POM121C: variants seen among roughly 807,000 people sequenced by gnomAD.
POM121C encodes the protein nuclear envelope pore membrane protein POM 121C.
In POM121C, 20 loss-of-function variants were observed where a neutral mutation model predicts 66.4. The observed-to-expected ratio is 0.30, with a 90% CI of 0.21 to 0.44. POM121C has a LOEUF of 0.44. POM121C is among the 20% of genes least tolerant of loss of function. The pLI is 1.00. For missense variants in POM121C, 580 were observed against 1,225.7 expected, an observed-to-expected ratio of 0.47 and a Z score of 7.87; for synonymous variants, 286 against 528.0, an observed-to-expected ratio of 0.54 and a Z score of 6.28.
At chr7:75,455,076 CAA>C (rs1791157762) in intron 3 of POM121C, among the ~76,000 whole-genome samples, 1 of 152,116 alleles carries the variant, frequency 6.6e-6, no homozygotes, top group East Asian at 1.9e-4. Context: ...ATAGATAAGA[CAA>C]GAGATGAAAT....
At chr7:75,462,709 A>T (rs1554477205) in intron 3 of POM121C, among the ~76,000 whole-genome samples, 1 of 151,620 alleles carries the variant, frequency 6.6e-6, no homozygotes, top group Non-Finnish European at 1.5e-5. Context: ...CACAGGGCAG[A>T]AAAGTGGCTA....
rs1363106159 is a variant in POM121C at position 75,424,051 on chromosome 7, G to A, written c.1046C>T (p.Pro349Leu). ...MQTPPSLPPC[P>L]ESAGAATTEA... ...TCCACGGCCCCACTCCAGCTCACCT[G>A]GGCAGGGTGGCAGGCTCGGGGGAGT... Residue 349 changes from proline (P) to leucine (L), a missense_variant and splice_region_variant, in exon 12 of 15, where the codon CCA (proline) becomes CTA (leucine). By Grantham distance (98) the Pro-to-Leu change is moderately conservative. Transcript: ENST00000615331. The A allele has an allele frequency of 6.2e-7, 1 of 1,611,182 alleles. No homozygotes were observed. The highest frequency in any genetic ancestry group is 8.5e-7 in the Non-Finnish European group (1 of 1,179,456).
intron 3 of POM121C, 144 bp downstream of exon 3, chr7:75,474,560 T>C (rs1362933130): frequency 7.5e-4 from 308 of 412,164 alleles, no homozygotes; most frequent in Non-Finnish European, 1.2e-3. Flanking sequence ...AACAAAAGAG[T>C]TCATGTATGT....
intron 3 of POM121C, among the ~76,000 whole-genome samples, chr7:75,474,252 G>C (rs1791989124): frequency 6.6e-6 from 1 of 152,072 alleles, no homozygotes; most frequent in Non-Finnish European, 1.5e-5. Context: ...AAATTAGCCA[G>C]GCTTGGTGGC....
At chr7:75,483,636 A>G (rs1296635898) in intron 1 of POM121C, among the ~76,000 whole-genome samples, 1 of 152,100 alleles carries the variant, frequency 6.6e-6, no homozygotes, top group Non-Finnish European at 1.5e-5. Context: ...TACAGATGGC[A>G]TTTTCCTTTT....
At chr7:75,446,939 C>T (rs1196828438) in intron 3 of POM121C, among the ~76,000 whole-genome samples, 14 of 115,850 alleles carry the variant, frequency 1.2e-4, no homozygotes, top group Non-Finnish European at 2.1e-4. Context: ...ACCCGGGAGG[C>T]GGAGCTTGCA....
chr7:75,468,235 A>C (rs1245220082), intron 3 of POM121C, among the ~76,000 whole-genome samples: 6 of 151,164 alleles, frequency 4.0e-5, no homozygotes, highest in Non-Finnish European at 7.4e-5. Context: ...CCAGTCGGAG[A>C]CAAACTATAC....
chr7:75,451,130 T>G (rs1460908726), intron 3 of POM121C, among the ~76,000 whole-genome samples: 1 of 152,194 alleles, frequency 6.6e-6, no homozygotes, highest in Non-Finnish European at 1.5e-5. Context: ...TTCAATGCTA[T>G]TCCCAACAAG....
At chr7:75,477,424 A>T (rs1403762375) in intron 1 of POM121C, among the ~76,000 whole-genome samples, 1 of 152,064 alleles carries the variant, frequency 6.6e-6, no homozygotes, top group Non-Finnish European at 1.5e-5. Flanking sequence ...CTCTACTAAA[A>T]ATCCAAAAAC....
rs369515572 is a variant in POM121C, at chr7:75,437,567, G to A, written c.428C>T (p.Ser143Phe). The A allele has an allele frequency of 9.2e-5, 148 of 1,613,860 alleles. No individual in the cohort carries two copies. Among genetic ancestry groups the A allele is most frequent in the Non-Finnish European group, 1.2e-4 (141 of 1,179,872 alleles). The change falls in exon 7 of 15, where the codon TCC becomes TTC. Residue 143 changes from serine to phenylalanine, a missense_variant. By Grantham distance (155) the Ser-to-Phe change is radical. Coordinates refer to ENST00000615331, the MANE Select transcript of POM121C (RefSeq NM_001099415.3). Reference sequence around the variant, plus strand: ...GGAACTGGTAATGGCATTGCGGCTGGAGCTAGGGATGCCACTTGTGTAAGC... The same window carrying A: ...GGAACTGGTAATGGCATTGCGGCTGAAGCTAGGGATGCCACTTGTGTAAGC... ...TGAYTSGIPS[S>F]SRNAITSSYS...
At chr7:75,431,919 ACTGTAG>A (rs755492857) in intron 7 of POM121C, among the ~76,000 whole-genome samples, 3 of 152,008 alleles carry the variant, frequency 2.0e-5, no homozygotes, top group Non-Finnish European at 4.4e-5. Flanking sequence ...GTGCCACTGC[ACTGTAG>A]CTGTAATCCC....
rs781943367 is a variant in POM121C at position 75,440,972 on chromosome 7, C to G, written c.209G>C (p.Gly70Ala). Residue 70 changes from glycine (G) to alanine (A), a missense_variant, in exon 5 of 15, where the codon GGC (glycine) becomes GCC (alanine). Transcript: ENST00000615331. ...VEEEDQIFLD[G>A]QENKRRRHDS... ...CTGTTACCTTCTTTTATTTTCCTGG[C>G]CATCAAGGAATATTTGGTCTTCTTC... 1 of 1,613,840 alleles carries G rather than the reference C, an allele frequency of 6.2e-7. No individual in the cohort carries two copies. The highest frequency in any genetic ancestry group is 1.3e-5 in the African/African-American group (1 of 74,886).
chr7:75,419,321 G>A lies in POM121C; in HGVS notation c.2865C>T (p.Phe955=), dbSNP rs368177709. The A allele has an allele frequency of 1.6e-5, 26 of 1,610,750 alleles. No individual in the cohort carries two copies. The highest frequency in any genetic ancestry group is 1.9e-5 in the Non-Finnish European group (22 of 1,178,612). Residue 955 remains phenylalanine, a splice_region_variant and synonymous_variant, in exon 14 of 15, where the codon TTC becomes TTT. Coordinates refer to ENST00000615331, the MANE Select transcript of POM121C (RefSeq NM_001099415.3). ...GCCACAGGGTGGCTTGCTGCTTACC[G>A]AACGGTCCAACACCAACAAAGCCTT... is the stretch of plus-strand genomic sequence containing the variant. ...PAQGFVGVGP[F]GSAAPSFSIG...
intron 3 of POM121C, among the ~76,000 whole-genome samples, chr7:75,448,409 T>TGAAA (rs1554475155): frequency 6.7e-6 from 1 of 150,106 alleles, no homozygotes; most frequent in African/African-American, 2.5e-5. Context: ...TGTTTTTCCT[T>TGAAA]ATTATTTAAA....
At chr7:75,467,515 G>C (rs1182181701) in intron 3 of POM121C, among the ~76,000 whole-genome samples, 11 of 128,618 alleles carry the variant, frequency 8.6e-5, no homozygotes, top group African/African-American at 2.7e-4. Flanking sequence ...CTGGGCGACA[G>C]AGCGAGATTC....
Position 75,479,570 on chromosome 7 carries a change from A to C in POM121C, c.-457-4382T>G, listed in dbSNP as rs200196374. On this transcript the variant is annotated intron_variant, in intron 1 of 14. Transcript: ENST00000615331. ...GGCAGAGGTTGCAGTGGGCCAAGAT[A>C]GCACCCCTGCACTCCAGCCTGGGGG... Among the ~76,000 whole-genome samples the C allele has an allele frequency of 6.9e-3, 1,003 of 146,222 alleles. 32 individuals are homozygous for C. Among genetic ancestry groups the C allele is most frequent in the African/African-American group, 0.019 (703 of 36,578 alleles).
chr7:75,417,090 C>A lies in POM121C; in HGVS notation c.*1706G>T. Reference sequence around the variant, plus strand: ...TTGCTAGGCCCAGGCCCACCCAGACCCTCCAATCCTAACAGGTATTTAGGC... The same window carrying A: ...TTGCTAGGCCCAGGCCCACCCAGACACTCCAATCCTAACAGGTATTTAGGC... On this transcript the variant is annotated 3_prime_UTR_variant, in exon 15 of 15. Coordinates refer to ENST00000615331, the MANE Select transcript of POM121C (RefSeq NM_001099415.3). 1 of 1,045,004 alleles carries A rather than the reference C, an allele frequency of 9.6e-7. No homozygotes were observed. The highest frequency in any genetic ancestry group is 1.2e-6 in the Non-Finnish European group (1 of 864,094). 64.7% of individuals were successfully genotyped at this position (1,045,004 alleles called of 1,614,324 possible).
chr7:75,420,560 T>A (rs1737091649), intron 13 of POM121C: 2 of 152,208 alleles, frequency 1.3e-5, no homozygotes, highest in South Asian at 4.1e-4. Context: ...CACTTTTTAA[T>A]ATGATGTTCC....
intron 3 of POM121C, among the ~76,000 whole-genome samples, chr7:75,462,708 GAA>G (rs1482553943): frequency 1.3e-5 from 2 of 151,672 alleles, no homozygotes; most frequent in Admixed American, 6.6e-5. Flanking sequence ...ACACAGGGCA[GAA>G]AAGTGGCTAC....
Sources: gnomAD v4.1 joint callset for allele counts (sites outside exome capture counted in the v4.1 genomes callset) on GRCh38, gnomAD v4.1.1 for gene constraint, MANE v1.5 for transcripts, NCBI Gene and HGNC (gene_info 2026-07-23, HGNC 2026-07-21) for gene names.